CEP128: variants seen among roughly 807,000 people sequenced by gnomAD.
The protein encoded by CEP128 is centrosomal protein 128, also known as centrosomal protein 128kDa.
Under a neutral mutation model 156.7 loss-of-function variants are expected in CEP128, and 132 were observed. The observed-to-expected ratio is 0.84, with a 90% CI of 0.73 to 0.97. The LOEUF is 0.97. Among genes scored for constraint, CEP128 ranks in the 50% least tolerant of loss-of-function variants. The pLI, the probability that CEP128 is intolerant of heterozygous loss-of-function variation, is 0.00. For missense variants in CEP128, 1,252 were observed against 1,281.9 expected (o/e 0.98, Z 0.36); for synonymous variants, 469 against 448.9 (o/e 1.04, Z -0.57).
chr14:80,521,803 T>C (rs1888757955), intron 23 of CEP128, among the ~76,000 whole-genome samples: 1 of 152,232 alleles, frequency 6.6e-6, no homozygotes, highest in Admixed American at 6.5e-5. Context: ...GTCCCGGCAG[T>C]GCTTGCCTTC....
At chr14:80,540,927 C>T (rs1390629632) in intron 21 of CEP128, among the ~76,000 whole-genome samples, 4 of 152,170 alleles carry the variant, frequency 2.6e-5, no homozygotes, top group Non-Finnish European at 5.9e-5. Context: ...TCTCTCACCC[C>T]AAGAGCATGC....
At chr14:80,604,405 G>C (rs1892698372) in intron 19 of CEP128, among the ~76,000 whole-genome samples, 1 of 152,116 alleles carries the variant, frequency 6.6e-6, no homozygotes. Context: ...ATGAAATGTG[G>C]CTAGTGTTTC....
intron 19 of CEP128, among the ~76,000 whole-genome samples, chr14:80,727,414 T>C (rs1473336031): frequency 6.6e-6 from 1 of 152,072 alleles, no homozygotes; most frequent in African/African-American, 2.4e-5. Flanking sequence ...GGCCAAATCT[T>C]AATGCAATAT....
intron 19 of CEP128, among the ~76,000 whole-genome samples, chr14:80,668,724 T>C (rs1031583645): frequency 2.0e-5 from 3 of 152,158 alleles, no homozygotes; most frequent in African/African-American, 7.2e-5. Context: ...AGATGGGTGA[T>C]ATGGTTTGGC....
chr14:80,498,679 T>TG (rs1392763280), intron 24 of CEP128, among the ~76,000 whole-genome samples: 20 of 152,254 alleles, frequency 1.3e-4, no homozygotes, highest in Non-Finnish European at 2.8e-4. Flanking sequence ...GGAGTGCTCC[T>TG]GTTCCTGGTA....
chr14:80,723,119 C>A (rs1335645390), intron 19 of CEP128, among the ~76,000 whole-genome samples: 3 of 152,100 alleles, frequency 2.0e-5, no homozygotes, highest in Non-Finnish European at 2.9e-5. Flanking sequence ...AGCCACCGCA[C>A]CCGGCCCTCT....
Position 80,622,315 on chromosome 14 carries a change from G to C in CEP128, c.2807-41892C>G, listed in dbSNP as rs113149771. Among the ~76,000 whole-genome samples, 924 of 152,046 alleles carry C rather than the reference G, an allele frequency of 6.1e-3. 5 individuals are homozygous for C. Among genetic ancestry groups the C allele is most frequent in the African/African-American group, 0.021 (858 of 41,470 alleles). ...TGCCAGCCTCCTTTAATTCAAGATG[G>C]ATTAAAGACTTAAACGTTAGACCTA... is the stretch of plus-strand genomic sequence containing the variant. On this transcript the variant is annotated intron_variant, in intron 19 of 24. Coordinates refer to ENST00000555265, the MANE Select transcript of CEP128 (RefSeq NM_152446.5).
At chr14:80,841,465 G>C (rs183182272) in intron 9 of CEP128, among the ~76,000 whole-genome samples, 1 of 152,188 alleles carries the variant, frequency 6.6e-6, no homozygotes, top group East Asian at 1.9e-4. Context: ...TAGAAATTGA[G>C]TAAAGAGGCA....
intron 20 of CEP128, among the ~76,000 whole-genome samples, chr14:80,569,906 A>G (rs114683894): frequency 0.012 from 1,774 of 152,304 alleles, 34 homozygotes; most frequent in African/African-American, 0.041. Flanking sequence ...CCAGCCACTG[A>G]AAGAGCTAAA....
chr14:80,660,937 G>C lies in CEP128; in HGVS notation c.2807-80514C>G, dbSNP rs923653410. Among the ~76,000 whole-genome samples, 4 of 152,130 alleles carry C rather than the reference G, an allele frequency of 2.6e-5. No homozygotes were observed. In the South Asian group the frequency reaches 6.2e-4, roughly 24 times the overall value. On this transcript the variant is annotated intron_variant, in intron 19 of 24. Coordinates refer to ENST00000555265, the MANE Select transcript of CEP128 (RefSeq NM_152446.5). ...ACTCAATAGCATTAGCCGAGTCACT[G>C]CTTTGTCATAAAAACAAAATTCATA...
chr14:80,811,293 C>T (rs1884518077), intron 13 of CEP128, among the ~76,000 whole-genome samples: 1 of 152,100 alleles, frequency 6.6e-6, no homozygotes, highest in Non-Finnish European at 1.5e-5. Context: ...TTGGTATATA[C>T]CCTGTAATGG....
intron 19 of CEP128, among the ~76,000 whole-genome samples, chr14:80,585,258 C>T (rs950206232): frequency 2.8e-4 from 43 of 152,216 alleles, no homozygotes; most frequent in African/African-American, 8.9e-4. Flanking sequence ...TAATATATCA[C>T]GACCAAGTTT....
downstream of CEP128, among the ~76,000 whole-genome samples, chr14:80,490,133 G>A (rs1349858364): frequency 6.6e-6 from 1 of 152,044 alleles, no homozygotes; most frequent in East Asian, 1.9e-4. Flanking sequence ...GGGTACCACT[G>A]TAAGATAAAA....
chr14:80,739,662 T>C (rs1898706689), intron 19 of CEP128, among the ~76,000 whole-genome samples: 1 of 152,210 alleles, frequency 6.6e-6, no homozygotes, highest in African/African-American at 2.4e-5. Flanking sequence ...TTTTGGTATT[T>C]TGAATTTTTT....
chr14:80,502,641 T>C (rs1887790754), intron 24 of CEP128, among the ~76,000 whole-genome samples: 1 of 152,208 alleles, frequency 6.6e-6, no homozygotes, highest in Non-Finnish European at 1.5e-5. Context: ...CCCTTTTTCA[T>C]AGTATTTTGC....
intron 19 of CEP128, among the ~76,000 whole-genome samples, chr14:80,633,770 A>G (rs1894064141): frequency 6.6e-6 from 1 of 152,180 alleles, no homozygotes; most frequent in Non-Finnish European, 1.5e-5. Context: ...CAGGTCCTCA[A>G]TAAATAATTA....
In CEP128 at chr14:80,497,932, CTTTTTAT is replaced by C. The variant is rs796927686; in HGVS notation, c.3182-357_3182-351del. On this transcript the variant is annotated intron_variant, in intron 24 of 24. Transcript: ENST00000555265. ...TTAGAGGCAGAAATCTTAAGGGCTC[CTTTTTAT>C]GGAATCCTCTTTATTACAACTTCTA... is the stretch of plus-strand genomic sequence containing the variant. Among the ~76,000 whole-genome samples, 4 of 152,280 alleles carry C rather than the reference CTTTTTAT, an allele frequency of 2.6e-5. No homozygotes were observed. In the South Asian group the frequency reaches 8.3e-4, roughly 32 times the overall value.
At chr14:80,597,307 C>T (rs1700257035) in intron 19 of CEP128, among the ~76,000 whole-genome samples, 1 of 152,078 alleles carries the variant, frequency 6.6e-6, no homozygotes, top group African/African-American at 2.4e-5. Context: ...AGACTGCAAA[C>T]AACCTTACAA....
chr14:80,528,212 G>C (rs1274380063), intron 22 of CEP128, among the ~76,000 whole-genome samples: 1 of 152,154 alleles, frequency 6.6e-6, no homozygotes, highest in Non-Finnish European at 1.5e-5. Context: ...GTGGCAGATT[G>C]GACTTAGAAC....
Sources: allele counts gnomAD v4.1 joint callset (sites outside exome capture counted in the v4.1 genomes callset), GRCh38; gene constraint gnomAD v4.1.1; transcripts MANE v1.5; gene names NCBI Gene and HGNC (gene_info 2026-07-23, HGNC 2026-07-21).